The following GUK1 variants were observed in gnomAD, a reference collection of about 807,000 sequenced individuals.
GUK1 encodes guanylate kinase 1.
Under a neutral mutation model 25.2 loss-of-function variants are expected in GUK1, and 18 were observed. The observed-to-expected ratio is 0.71, with a 90% CI of 0.49 to 1.06. The LOEUF is 1.06. Ranked by LOEUF, GUK1 falls within the 50% of genes least tolerant of loss-of-function variation. GUK1 has a pLI of 0.00. For synonymous variants in GUK1, 105 were observed against 117.6 expected, an observed-to-expected ratio of 0.89 and a Z score of 0.69; for missense variants, 261 against 276.7, an observed-to-expected ratio of 0.94 and a Z score of 0.40.
intron 2 of GUK1, chr1:228,144,933 C>T (rs1476876118): frequency 6.5e-6 from 1 of 152,988 alleles, no homozygotes; most frequent in Non-Finnish European, 1.5e-5. Context: ...TGAGAAGTTC[C>T]TGGAATAGGT....
At chr1:228,148,122 C>T in intron 7 of GUK1, 3 of 609,894 alleles carry the variant, frequency 4.9e-6, no homozygotes, top group Non-Finnish European at 6.0e-6. Flanking sequence ...AGCCCCTAAC[C>T]AGAGTCCTGA....
rs74140999 is a variant in GUK1 at position 228,146,891 on chromosome 1, C to T, written c.204C>T (p.Gly68=). ...TGATGCAGCGTGACATAGCAGCCGGCGACTTCATCGAGCATGCCGAGTTCT... is the reference window on the plus strand; with the variant it reads ...TGATGCAGCGTGACATAGCAGCCGGTGACTTCATCGAGCATGCCGAGTTCT... The change falls in exon 5 of 9, where the codon GGC becomes GGT. Residue 68 remains glycine (G), a synonymous_variant. Transcript: ENST00000312726. The T allele has an allele frequency of 1.5e-3, 2,364 of 1,613,688 alleles. 24 individuals carry two copies. In the African/African-American group the frequency reaches 0.028, roughly 19 times the overall value.
intron 2 of GUK1, 199 bp from the exon 2 acceptor site, chr1:228,145,312 G>T: frequency 2.0e-6 from 1 of 494,114 alleles, no homozygotes; most frequent in Non-Finnish European, 3.5e-6. Flanking sequence ...CTGGTCTGAG[G>T]GCCGCCCTGT....
At chr1:228,143,611 A>G (rs968528202) in intron 2 of GUK1, among the ~76,000 whole-genome samples, 1 of 152,150 alleles carries the variant, frequency 6.6e-6, no homozygotes, top group African/African-American at 2.4e-5. Flanking sequence ...TAGCTAGTGC[A>G]TTATGGGAAC....
intron 2 of GUK1, chr1:228,144,660 G>C (rs892148576): frequency 2.1e-6 from 2 of 930,774 alleles, no homozygotes; most frequent in African/African-American, 1.8e-5. Context: ...AGAAGCAGGC[G>C]TAGTGGGGAT....
chr1:228,140,453 C>G, intron 1 of GUK1, 90 bp downstream of exon 1: 2 of 908,636 alleles, frequency 2.2e-6, no homozygotes, highest in Admixed American at 6.4e-5. Context: ...ACGCCGCCTC[C>G]GGATCTCCTC....
intron 5 of GUK1, 29 bp downstream of exon 4, chr1:228,146,967 C>A: frequency 6.9e-7 from 1 of 1,457,722 alleles, no homozygotes; most frequent in Non-Finnish European, 9.6e-7. Flanking sequence ...TGGGTGGGCT[C>A]CCAGGGTTGC....
intron 4 of GUK1, chr1:228,146,623 G>T: frequency 1.7e-6 from 1 of 571,582 alleles, no homozygotes; most frequent in East Asian, 2.9e-5. Flanking sequence ...CAGCAGTCTC[G>T]TATCTCCATC....
chr1:228,140,641 G>A (rs1297354905), intron 1 of GUK1, among the ~76,000 whole-genome samples: 1 of 152,238 alleles, frequency 6.6e-6, no homozygotes, highest in Non-Finnish European at 1.5e-5. Context: ...GTATAGGAGC[G>A]CTCGGTGTCT....
At chr1:228,146,551 A>G (rs1239375880) in intron 4 of GUK1, 1 of 428,490 alleles carries the variant, frequency 2.3e-6, no homozygotes, top group Non-Finnish European at 4.2e-6. Context: ...ACCTTCCCCC[A>G]GAACCTGTTG....
At chr1:228,147,835 T>A in intron 7 of GUK1, 136 bp downstream of exon 6, 1 of 684,984 alleles carries the variant, frequency 1.5e-6, no homozygotes, top group Non-Finnish European at 2.4e-6. Flanking sequence ...ACCTCTCAAC[T>A]ACCTCCCAAC....
intron 7 of GUK1, 105 bp from the exon 7 acceptor site, chr1:228,148,260 ACAGCCG>A: frequency 1.2e-6 from 1 of 823,502 alleles, no homozygotes; most frequent in South Asian, 1.4e-5. Flanking sequence ...AAGCTGTCCC[ACAGCCG>A]CAGTGAGGAC....
upstream of GUK1, chr1:228,140,146 A>G (rs949071794): frequency 3.2e-6 from 2 of 630,048 alleles, no homozygotes; most frequent in East Asian, 3.2e-5. Context: ...AGGCGGGGCT[A>G]GCGAGGCACT....
chr1:228,142,197 C>T (rs990272092), intron 2 of GUK1, among the ~76,000 whole-genome samples: 7 of 152,280 alleles, frequency 4.6e-5, no homozygotes, highest in Admixed American at 4.6e-4. Context: ...ACTGTCTGCC[C>T]TCTGCACTCT....
At chr1:228,145,150 C>T (rs915924629) in intron 2 of GUK1, 1 of 161,582 alleles carries the variant, frequency 6.2e-6, no homozygotes. Context: ...GTGGGGACGG[C>T]AGCTCCCAGG....
Position 228,141,165 on chromosome 1 carries a change from G to C in GUK1, c.-126G>C, listed in dbSNP as rs1558109866. The C allele has an allele frequency of 1.0e-6, 1 of 985,450 alleles. No homozygotes were observed. Among genetic ancestry groups the C allele is most frequent in the Non-Finnish European group, 1.2e-6 (1 of 830,046 alleles). The allele number at this position is 985,450 out of a possible 1,614,324, so 61.0% of individuals were successfully genotyped here. A position where few individuals can be genotyped will look rare whatever the true frequency, so the allele number is the denominator to read the frequency against. On this transcript the variant is annotated 5_prime_UTR_variant, in exon 2 of 9. Transcript: ENST00000312726. The stretch of plus-strand genomic sequence containing the variant: ...ACCTGGGGTTGCTGTCGAGGACCCT[G>C]TGCAAGACTCGGCCGGTTTTTCTTT...
In GUK1 at chr1:228,147,494, G is replaced by T; in HGVS notation, c.340G>T (p.Asp114Tyr). Residue 114 changes from aspartate to tyrosine, a missense_variant, in exon 6 of 9, where the codon GAT becomes TAT. Coordinates refer to ENST00000312726, the MANE Select transcript of GUK1 (RefSeq NM_000858.7). ...GGGTGTGCGGAACATCAAGGCCACC[G>T]ATCTGCGGCCCATCTACATCTCTGT... is the stretch of plus-strand genomic sequence containing the variant. 6.2e-7 allele frequency: 1 copy of T among 1,613,276 alleles called. No homozygotes were observed. Among genetic ancestry groups the T allele is most frequent in the Middle Eastern group, 1.7e-4 (1 of 6,036 alleles).
At chr1:228,146,992 A>C in intron 5 of GUK1, 54 bp downstream of exon 4, 2 of 1,183,074 alleles carry the variant, frequency 1.7e-6, no homozygotes, top group Non-Finnish European at 2.5e-6. Context: ...GGCAACAGGG[A>C]TCCAGGTAGT....
In GUK1 at chr1:228,146,077, G is replaced by A. The variant is rs776966598; in HGVS notation, c.154+10G>A. 1 of 1,601,024 alleles carries A rather than the reference G, an allele frequency of 6.2e-7. No individual in the cohort carries two copies. The highest frequency in any genetic ancestry group is 8.6e-7 in the Non-Finnish European group (1 of 1,168,362). ...GAGGAGAACGGCAAAGGTGAGTGGGGTGGGGCCCTATGGCTGGAGCACCCC... is the reference window on the plus strand; with the variant it reads ...GAGGAGAACGGCAAAGGTGAGTGGGATGGGGCCCTATGGCTGGAGCACCCC... On this transcript the variant is annotated intron_variant, in intron 4 of 8. Transcript: ENST00000312726.
Sources: allele counts gnomAD v4.1 joint callset (sites outside exome capture counted in the v4.1 genomes callset), GRCh38; gene constraint gnomAD v4.1.1; transcripts MANE v1.5; gene names NCBI Gene and HGNC (gene_info 2026-07-23, HGNC 2026-07-21).